The following SACS variants were observed in gnomAD, a reference collection of about 807,000 sequenced individuals.
SACS encodes sacsin molecular chaperone, also known as sacsin.
Under a neutral mutation model 348.0 loss-of-function variants are expected in SACS, and 197 were observed. The observed-to-expected ratio is 0.57, with a 90% confidence interval of 0.50 to 0.64. The LOEUF (loss-of-function observed/expected upper bound fraction) is 0.64. Among genes scored for constraint, SACS ranks in the 30% least tolerant of loss-of-function variants. The pLI, the probability that SACS is intolerant of heterozygous loss-of-function variation, is 0.00. For synonymous variants in SACS, 1,985 were observed against 1,910.6 expected (o/e 1.04, Z -1.02); for missense variants, 4,999 against 5,360.8 (o/e 0.93, Z 2.11).
chr13:23,332,479 T>C lies in SACS; in HGVS notation c.11397A>G (p.Val3799=). 6.2e-7 allele frequency: 1 copy of C among 1,614,030 alleles called. No individual in the cohort carries two copies. The highest frequency in any genetic ancestry group is 1.1e-5 in the South Asian group (1 of 91,076). The change falls in exon 10 of 10, where the codon GTA becomes GTG. Residue 3799 remains valine (V), a synonymous_variant. Coordinates refer to ENST00000382292, the MANE Select transcript of SACS (RefSeq NM_014363.6). The part of the protein sequence containing the change: ...FQLRGVAFVM[V]EDGWKLLKPE... The stretch of plus-strand genomic sequence containing the variant: ...GCTTCAGAAGTTTCCAACCATCTTC[T>C]ACCATCACAAAAGCAACCCCTCGCA...
In SACS at chr13:23,336,151, T is replaced by A. The variant is rs200735789; in HGVS notation, c.7725A>T (p.Ile2575=). ...GCAATGGGGCCCACTTATCATCAAA[T>A]ATTCTATCAACTGGATGCTGTCTAG... The part of the protein sequence containing the change: ...FDPRQHPVDR[I]FDDKWAPLQG... Residue 2575 remains isoleucine (I), a synonymous_variant, in exon 10 of 10, where the codon ATA becomes ATT. Coordinates refer to ENST00000382292, the MANE Select transcript of SACS (RefSeq NM_014363.6). 6.9e-4 allele frequency: 1,114 copies of A among 1,613,690 alleles called. 3 individuals are homozygous for A. Among genetic ancestry groups the A allele is most frequent in the Non-Finnish European group, 8.9e-4 (1,054 of 1,179,650 alleles).
In SACS at chr13:23,340,334, C is replaced by G; in HGVS notation, c.3542G>C (p.Cys1181Ser). 6.2e-7 allele frequency: 1 copy of G among 1,613,898 alleles called. No individual in the cohort carries two copies. The highest frequency in any genetic ancestry group is 8.5e-7 in the Non-Finnish European group (1 of 1,179,900). ...TACATCACACATATCTGGTGGTGCACAGAGATTACAGAGATCTCCTTTCCA... is the reference window on the plus strand; with the variant it reads ...TACATCACACATATCTGGTGGTGCAGAGAGATTACAGAGATCTCCTTTCCA... The part of the protein sequence containing the change: ...LVWKGDLCNL[C>S]APPDMCDVGH... The change falls in exon 10 of 10, where the codon TGT becomes TCT. Residue 1181 changes from cysteine (C) to serine (S), a missense_variant. Physicochemically the swap from Cys to Ser is moderately radical, Grantham distance 112. Transcript: ENST00000382292.
intron 9 of SACS, among the ~76,000 whole-genome samples, chr13:23,350,988 C>T (rs1869918656): frequency 6.6e-6 from 1 of 152,180 alleles, no homozygotes; most frequent in South Asian, 2.1e-4. Context: ...ATCCATTTCA[C>T]TCTGGGAGTC....
At chr13:23,381,205 C>T (rs939779972) in intron 2 of SACS, among the ~76,000 whole-genome samples, 1 of 152,218 alleles carries the variant, frequency 6.6e-6, no homozygotes, top group African/African-American at 2.4e-5. Flanking sequence ...AGTAAAGGGA[C>T]TGAAATCAAC....
At position 23,328,872 on chromosome 13, in the gene SACS, T is replaced by C. The variant is rs909154918; in HGVS notation, c.*1264A>G. 5 of 152,676 alleles carry C rather than the reference T, an allele frequency of 3.3e-5. No individual in the cohort carries two copies. Among genetic ancestry groups the C allele is most frequent in the African/African-American group, 1.2e-4 (5 of 41,452 alleles). The allele number at this position is 152,676 out of a possible 1,614,324, so 9.5% of individuals were successfully genotyped here. A position where few individuals can be genotyped will look rare whatever the true frequency, so the allele number is the denominator to read the frequency against. ...CCTTTATTAAAAGTATGGCACTTTA[T>C]ATAACAGCAGAAATAATTACATGAT... On this transcript the variant is annotated 3_prime_UTR_variant, in exon 10 of 10. Transcript: ENST00000382292.
In SACS at chr13:23,329,858, T is replaced by C. The variant is rs1883354762; in HGVS notation, c.*278A>G. On this transcript the variant is annotated 3_prime_UTR_variant, in exon 10 of 10. Transcript: ENST00000382292. ...CTCTTATCTAACAAACTGCTAAGCTTTGGTTATATAAAGTGCAGTTCAATG... is the reference window on the plus strand; with the variant it reads ...CTCTTATCTAACAAACTGCTAAGCTCTGGTTATATAAAGTGCAGTTCAATG... 2.0e-6 allele frequency: 1 copy of C among 509,604 alleles called. No individual in the cohort carries two copies. Among genetic ancestry groups the C allele is most frequent in the Non-Finnish European group, 3.5e-6 (1 of 284,894 alleles). 31.6% of individuals were successfully genotyped at this position (509,604 alleles called of 1,614,324 possible).
At position 23,340,548 on chromosome 13, in the gene SACS, T is replaced by C. The variant is rs1869109160; in HGVS notation, c.3328A>G (p.Ile1110Val). ...EKDVVQVAKKIEALQVGACPD... is the reference protein window; with the variant it reads ...EKDVVQVAKKVEALQVGACPD... ...CAAGCACCGACCTGTAAGGCTTCAA[T>C]TTTTTTTGCCACTTGCACAACATCC... is the stretch of plus-strand genomic sequence containing the variant. The change falls in exon 10 of 10, where the codon ATT becomes GTT. Residue 1110 changes from isoleucine to valine, a missense_variant. Coordinates refer to ENST00000382292, the MANE Select transcript of SACS (RefSeq NM_014363.6). 5 of 1,605,342 alleles carry C rather than the reference T, an allele frequency of 3.1e-6. No individual in the cohort carries two copies. The African/African-American group carries it at 5.4e-5, about 17-fold the overall frequency.
Position 23,338,913 on chromosome 13 carries a change from T to C in SACS, c.4963A>G (p.Lys1655Glu), listed in dbSNP as rs1035497308. 2.5e-6 allele frequency: 4 copies of C among 1,613,156 alleles called. No homozygotes were observed. The highest frequency in any genetic ancestry group is 3.4e-6 in the Non-Finnish European group (4 of 1,179,670). The change falls in exon 10 of 10, where the codon AAA (lysine) becomes GAA (glutamate). Residue 1655 changes from lysine (K) to glutamate (E), a missense_variant. By Grantham distance (56) the Lys-to-Glu change is moderately conservative. This residue lies in a region of SACS where 3,156 missense variants were observed against 3,380.1 expected (regional missense o/e 0.93). Transcript: ENST00000382292. ...RLSFRTQQEA[K>E]VSEVSSTCYN... ...CACGTACTACTAACTTCACTCACTT[T>C]TGCTTCCTGTTGAGTTCTAAAGGAC...
chr13:23,360,407 A>G (rs1482020540), intron 6 of SACS, among the ~76,000 whole-genome samples: 7 of 150,152 alleles, frequency 4.7e-5, no homozygotes, highest in Admixed American at 4.6e-4. Flanking sequence ...AAAAAAAAGG[A>G]CCACAAAAAG....
Position 23,339,858 on chromosome 13 carries a change from A to C in SACS, c.4018T>G (p.Tyr1340Asp). The change falls in exon 10 of 10, where the codon TAT (tyrosine) becomes GAT (aspartate). Residue 1340 changes from tyrosine to aspartate, a missense_variant. Physicochemically the swap from Tyr to Asp is radical, Grantham distance 160. This residue lies in a region of SACS where 3,156 missense variants were observed against 3,380.1 expected (regional missense o/e 0.93). Transcript: ENST00000382292. ...DHISMVIQKI[Y>D]LKSDQDLSEQ... The stretch of plus-strand genomic sequence containing the variant: ...CTGAGATCTTGGTCACTTTTGAGAT[A>C]TATCTTCTGAATAACCATGGAAATA... The C allele has an allele frequency of 1.9e-6, 3 of 1,613,708 alleles. No homozygotes were observed. The highest frequency in any genetic ancestry group is 2.5e-6 in the Non-Finnish European group (3 of 1,179,882).
At chr13:23,413,157 A>T (rs2137968437) in intron 1 of SACS, among the ~76,000 whole-genome samples, 1 of 152,242 alleles carries the variant, frequency 6.6e-6, no homozygotes, top group South Asian at 2.1e-4. Context: ...TTGTATTTCT[A>T]GTAGAGGATG....
In SACS at chr13:23,338,227, T is replaced by G; in HGVS notation, c.5649A>C (p.Pro1883=). 1 of 1,614,130 alleles carries G rather than the reference T, an allele frequency of 6.2e-7. No individual in the cohort carries two copies. Among genetic ancestry groups the G allele is most frequent in the Non-Finnish European group, 8.5e-7 (1 of 1,180,002 alleles). Reference sequence around the variant, plus strand: ...CAGCAAAGCACCCATTGATATGAACTGGCAAGCCTGTTTTTATTCGTAAAG... The same window carrying G: ...CAGCAAAGCACCCATTGATATGAACGGGCAAGCCTGTTTTTATTCGTAAAG... ...YLPLRIKTGL[P]VHINGCFAVT... The change falls in exon 10 of 10, where the codon CCA becomes CCC. Residue 1883 remains proline, a synonymous_variant. Coordinates refer to ENST00000382292, the MANE Select transcript of SACS (RefSeq NM_014363.6).
At chr13:23,414,226 C>A (rs918586149) in intron 1 of SACS, among the ~76,000 whole-genome samples, 8 of 152,196 alleles carry the variant, frequency 5.3e-5, no homozygotes, top group Non-Finnish European at 8.8e-5. Flanking sequence ...ATGGTGTGAA[C>A]CCGGAAGGCG....
At chr13:23,390,492 T>A (rs1287470802) in intron 2 of SACS, among the ~76,000 whole-genome samples, 1 of 152,096 alleles carries the variant, frequency 6.6e-6, no homozygotes, top group Non-Finnish European at 1.5e-5. Context: ...AAACCTCGTC[T>A]CTACAAAAAA....
At chr13:23,344,802 C>T (rs1388589336) in intron 9 of SACS, among the ~76,000 whole-genome samples, 1 of 152,218 alleles carries the variant, frequency 6.6e-6, no homozygotes, top group African/African-American at 2.4e-5. Context: ...TTAGAAGGAA[C>T]TCTTCCAAGA....
intron 9 of SACS, 87 bp from the exon 10 acceptor site, chr13:23,341,777 G>GTTTT: frequency 1.6e-6 from 1 of 616,832 alleles, no homozygotes; most frequent in Non-Finnish European, 2.5e-6. Flanking sequence ...GTACTGGAAG[G>GTTTT]TTCTTTTTTT....
chr13:23,350,232 G>C (rs1869866595), intron 9 of SACS, among the ~76,000 whole-genome samples: 1 of 152,148 alleles, frequency 6.6e-6, no homozygotes, highest in South Asian at 2.1e-4. Context: ...TATTTTAGTG[G>C]AATGACAGTG....
Position 23,336,895 on chromosome 13 carries a change from C to G in SACS, c.6981G>C (p.Leu2327Phe), listed in dbSNP as rs763681240. ...ACATCTTAGTGATTTCATTTTGCAT[C>G]AAGGCTTCATGAAGGTATTTGTAGC... ...NACYKYLHEA[L>F]MQNEITKMSI... is the part of the protein sequence containing the mutation. Residue 2327 changes from leucine to phenylalanine, a missense_variant, in exon 10 of 10, where the codon TTG (leucine) becomes TTC (phenylalanine). By Grantham distance (22) the Leu-to-Phe change is conservative. Transcript: ENST00000382292. 1.8e-5 allele frequency: 29 copies of G among 1,613,336 alleles called. No homozygotes were observed. The highest frequency in any genetic ancestry group is 2.5e-5 in the Non-Finnish European group (29 of 1,179,534).
In SACS at chr13:23,330,155, A is replaced by G; in HGVS notation, c.13721T>C (p.Phe4574Ser). The G allele has an allele frequency of 6.2e-7, 1 of 1,613,980 alleles. No homozygotes were observed. Among genetic ancestry groups the G allele is most frequent in the Non-Finnish European group, 8.5e-7 (1 of 1,179,886 alleles). The stretch of plus-strand genomic sequence containing the variant: ...ATATCTTCACACTTTTTGTTGCATA[A>G]AATTTTCAAGTTTTATTATGATACA... ...TACIIIKLEN[F>S]MQQKV The change falls in exon 10 of 10, where the codon TTT becomes TCT. Residue 4574 changes from phenylalanine (F) to serine (S), a missense_variant. This residue lies in a region of SACS where 254 missense variants were observed against 275.1 expected (regional missense o/e 0.92). Coordinates refer to ENST00000382292, the MANE Select transcript of SACS (RefSeq NM_014363.6).
Sources: allele counts gnomAD v4.1 joint callset (sites outside exome capture counted in the v4.1 genomes callset), GRCh38; gene constraint gnomAD v4.1.1; regional missense constraint gnomAD v4.1.1; transcripts MANE v1.5; gene names NCBI Gene and HGNC (gene_info 2026-07-23, HGNC 2026-07-21).